The following CTNNA3 variants were observed in gnomAD, a reference collection of about 807,000 sequenced individuals.
CTNNA3 encodes the protein catenin alpha 3.
In CTNNA3, 76 loss-of-function variants were observed where a neutral mutation model predicts 95.7. The ratio of observed to expected loss-of-function variants is 0.79; its 90% confidence interval spans 0.66 to 0.96. The LOEUF (loss-of-function observed/expected upper bound fraction) is 0.96, where lower values mean the gene tolerates loss of function less well. Ranked by LOEUF, CTNNA3 falls within the 40% of genes least tolerant of loss-of-function variation. The pLI is 0.00. For synonymous variants in CTNNA3, 431 were observed against 374.4 expected, an observed-to-expected ratio of 1.15 and a Z score of -1.74; for missense variants, 1,191 against 1,089.8, an observed-to-expected ratio of 1.09 and a Z score of -1.31.
At chr10:66,664,626 A>T (rs1204385632) in intron 9 of CTNNA3, among the ~76,000 whole-genome samples, 1 of 151,880 alleles carries the variant, frequency 6.6e-6, no homozygotes, top group Non-Finnish European at 1.5e-5. Context: ...CTATTAACTG[A>T]CTGGAATCAT....
At chr10:66,616,260 G>C (rs1459390928) in intron 10 of CTNNA3, among the ~76,000 whole-genome samples, 2 of 152,034 alleles carry the variant, frequency 1.3e-5, no homozygotes, top group Non-Finnish European at 2.9e-5. Flanking sequence ...TGTGTTAAAT[G>C]TCTGCAGTGT....
intron 15 of CTNNA3, among the ~76,000 whole-genome samples, chr10:66,042,801 G>A (rs1325994733): frequency 1.4e-5 from 2 of 147,636 alleles, no homozygotes; most frequent in African/African-American, 2.5e-5. Context: ...ATGGCAGGCT[G>A]AGGCAAGAGA....
intron 12 of CTNNA3, among the ~76,000 whole-genome samples, chr10:66,304,532 T>C (rs2091905802): frequency 6.6e-6 from 1 of 152,178 alleles, no homozygotes; most frequent in Non-Finnish European, 1.5e-5. Flanking sequence ...TAATAATCCA[T>C]ACGCTCATCA....
intron 13 of CTNNA3, among the ~76,000 whole-genome samples, chr10:66,136,209 A>G (rs2133864060): frequency 6.6e-6 from 1 of 152,286 alleles, no homozygotes; most frequent in South Asian, 2.1e-4. Flanking sequence ...GCCACGTAAC[A>G]CAATTTACAA....
intron 11 of CTNNA3, among the ~76,000 whole-genome samples, chr10:66,381,960 C>G (rs903673682): frequency 1.3e-5 from 2 of 152,150 alleles, no homozygotes; most frequent in Non-Finnish European, 2.9e-5. Flanking sequence ...CCATTTTCAC[C>G]TAACCAAGAT....
At chr10:66,681,249 T>C (rs12769686) in intron 9 of CTNNA3, among the ~76,000 whole-genome samples, 84,152 of 151,904 alleles carry the variant, frequency 0.55, 24,059 homozygotes, top group African/African-American at 0.68. Context: ...CTTTGGGGAG[T>C]GACTGCATAT....
chr10:65,923,333 A>G (rs1050417720), intron 17 of CTNNA3, among the ~76,000 whole-genome samples: 5 of 152,226 alleles, frequency 3.3e-5, no homozygotes, highest in African/African-American at 1.2e-4. Flanking sequence ...GTTTTATGCC[A>G]CAGTAAATGC....
At chr10:65,973,826 G>A (rs1264754195) in intron 16 of CTNNA3, among the ~76,000 whole-genome samples, 1 of 152,020 alleles carries the variant, frequency 6.6e-6, no homozygotes, top group Non-Finnish European at 1.5e-5. Flanking sequence ...TCATCATGAG[G>A]AATCTGCCCC....
intron 11 of CTNNA3, among the ~76,000 whole-genome samples, chr10:66,452,099 G>A (rs1228250014): frequency 1.3e-5 from 2 of 152,188 alleles, no homozygotes; most frequent in East Asian, 3.8e-4. Context: ...CTGAGGCCAA[G>A]TGGCAGTGTA....
intron 5 of CTNNA3, among the ~76,000 whole-genome samples, chr10:67,472,243 A>G (rs1485101803): frequency 6.6e-6 from 1 of 152,210 alleles, no homozygotes; most frequent in Non-Finnish European, 1.5e-5. Flanking sequence ...TATATTTCAT[A>G]TCTCTGCACT....
intron 2 of CTNNA3, among the ~76,000 whole-genome samples, chr10:67,634,987 C>T (rs1839258405): frequency 6.6e-6 from 1 of 152,064 alleles, no homozygotes; most frequent in Admixed American, 6.6e-5. Context: ...AACTCTCCAC[C>T]CAAAAACAAC....
rs531500285 is a variant in CTNNA3 at position 66,230,716 on chromosome 10, C to G, written c.1884+49754G>C. Among the ~76,000 whole-genome samples, 8 of 152,160 alleles carry G rather than the reference C, an allele frequency of 5.3e-5. 1 individual carries two copies. The highest frequency in any genetic ancestry group is 5.2e-4 in the Admixed American group (8 of 15,280). On this transcript the variant is annotated intron_variant, in intron 13 of 17. Coordinates refer to ENST00000433211, the MANE Select transcript of CTNNA3 (RefSeq NM_013266.4). ...TGTGATGGCCCCATTTTGGATGAAG[C>G]AGGGTCCCTGATGGTGATGGAAAGC... is the stretch of plus-strand genomic sequence containing the variant.
intron 5 of CTNNA3, among the ~76,000 whole-genome samples, chr10:67,515,109 C>G (rs1217753945): frequency 6.6e-6 from 1 of 152,006 alleles, no homozygotes; most frequent in African/African-American, 2.4e-5. Context: ...TTTAGGAGGA[C>G]AAATGTATAA....
chr10:66,697,758 A>C (rs1847817365), intron 9 of CTNNA3, among the ~76,000 whole-genome samples: 1 of 152,150 alleles, frequency 6.6e-6, no homozygotes, highest in African/African-American at 2.4e-5. Context: ...TACCTCTTTG[A>C]AGCAATTTTC....
intron 13 of CTNNA3, among the ~76,000 whole-genome samples, chr10:66,230,803 C>T (rs551210674): frequency 1.3e-5 from 2 of 152,226 alleles, no homozygotes; most frequent in South Asian, 4.1e-4. Flanking sequence ...GTCCTGAGGG[C>T]TGCCTTCCCA....
intron 5 of CTNNA3, among the ~76,000 whole-genome samples, chr10:67,339,771 G>A (rs1172436619): frequency 6.6e-6 from 1 of 152,156 alleles, no homozygotes; most frequent in Admixed American, 6.5e-5. Flanking sequence ...TAGATCAGAT[G>A]TAACATATCT....
chr10:66,411,966 T>C (rs1241658162), intron 11 of CTNNA3, among the ~76,000 whole-genome samples: 1 of 152,118 alleles, frequency 6.6e-6, no homozygotes, highest in Non-Finnish European at 1.5e-5. Flanking sequence ...GGCAAGGAGA[T>C]GACCTATCCC....
chr10:67,623,880 G>A (rs952334221), intron 2 of CTNNA3, among the ~76,000 whole-genome samples: 21 of 152,182 alleles, frequency 1.4e-4, no homozygotes, highest in Non-Finnish European at 2.1e-4. Flanking sequence ...GCAATGGTGC[G>A]ATCTCGGCTC....
At chr10:65,982,949 A>T (rs1188388030) in intron 16 of CTNNA3, among the ~76,000 whole-genome samples, 2 of 151,478 alleles carry the variant, frequency 1.3e-5, no homozygotes, top group Non-Finnish European at 3.0e-5. Flanking sequence ...TTTGCCTCTT[A>T]TAATATCAAC....
Sources: gnomAD v4.1 joint callset for allele counts (sites outside exome capture counted in the v4.1 genomes callset) on GRCh38, gnomAD v4.1.1 for gene constraint, MANE v1.5 for transcripts, NCBI Gene and HGNC (gene_info 2026-07-23, HGNC 2026-07-21) for gene names.